Variants in VPS50 observed in about 807,000 individuals in gnomAD.
The protein encoded by VPS50 is syndetin.
Under a neutral mutation model 139.7 loss-of-function variants are expected in VPS50, and 70 were observed. The ratio of observed to expected loss-of-function variants is 0.50; its 90% CI spans 0.41 to 0.61. VPS50 has a LOEUF of 0.61. Among genes scored for constraint, VPS50 ranks in the 20% least tolerant of loss-of-function variants. The pLI, the probability that VPS50 is intolerant of heterozygous loss-of-function variation, is 0.00. For synonymous variants in VPS50, 365 were observed against 376.7 expected (o/e 0.97, Z 0.36); for missense variants, 921 against 1,133.7 (o/e 0.81, Z 2.69).
chr7:93,329,318 A>G (rs1797869662), intron 21 of VPS50, among the ~76,000 whole-genome samples: 1 of 152,188 alleles, frequency 6.6e-6, no homozygotes. Context: ...AAACAACAAA[A>G]AATTTACTCA....
At chr7:93,339,014 A>G (rs1273358576) in intron 22 of VPS50, among the ~76,000 whole-genome samples, 1 of 152,178 alleles carries the variant, frequency 6.6e-6, no homozygotes, top group Non-Finnish European at 1.5e-5. Context: ...GAAGAAGGGG[A>G]GTCATGAATG....
chr7:93,331,815 CA>C (rs1797949803), intron 21 of VPS50, among the ~76,000 whole-genome samples: 1 of 152,056 alleles, frequency 6.6e-6, no homozygotes, highest in Non-Finnish European at 1.5e-5. Flanking sequence ...GAAAATTTTG[CA>C]AACCATATTG....
rs904949755 is a variant in VPS50 at position 93,239,223 on chromosome 7, A to G, written c.34-643A>G. Among the ~76,000 whole-genome samples, 18 of 152,292 alleles carry G rather than the reference A, an allele frequency of 1.2e-4. No homozygotes were observed. The East Asian group carries it at 3.3e-3, about 28-fold the overall frequency. On this transcript the variant is annotated intron_variant, in intron 1 of 27. Transcript: ENST00000305866. Reference sequence around the variant, plus strand: ...TTTTTAAAAAGAGGATTTTAAAGAAAATGTAAATTGCTGATTTCTTTCTAT... The same window carrying G: ...TTTTTAAAAAGAGGATTTTAAAGAAGATGTAAATTGCTGATTTCTTTCTAT...
At chr7:93,310,466 G>A (rs73712828) in intron 19 of VPS50, among the ~76,000 whole-genome samples, 1 of 148,002 alleles carries the variant, frequency 6.8e-6, no homozygotes, top group Non-Finnish European at 1.5e-5. Context: ...AAATTTAGGG[G>A]TTTTTTTTTT....
chr7:93,308,695 T>C, intron 18 of VPS50, 129 bp from the exon 19 acceptor site: 1 of 447,080 alleles, frequency 2.2e-6, no homozygotes, highest in Non-Finnish European at 4.1e-6. Flanking sequence ...GGTGACAACA[T>C]TAAAGCTAAA....
rs550173011 is a variant in VPS50, at chr7:93,288,346, T to C, written c.943-3357T>C. 3.3e-5 allele frequency among the ~76,000 whole-genome samples: 5 copies of C among 152,280 alleles called. No individual in the cohort carries two copies. The South Asian group carries it at 1.0e-3, about 32-fold the overall frequency. On this transcript the variant is annotated intron_variant, in intron 12 of 27. Transcript: ENST00000305866. Reference sequence around the variant, plus strand: ...TTTTTCACAGCTGCAAAGTACTCTTTTGTATGTATGAATAATGTTCTACCA... The same window carrying C: ...TTTTTCACAGCTGCAAAGTACTCTTCTGTATGTATGAATAATGTTCTACCA...
intron 12 of VPS50, 95 bp from the exon 13 acceptor site, chr7:93,291,608 C>T: frequency 1.5e-6 from 1 of 679,222 alleles, no homozygotes; most frequent in Non-Finnish European, 2.2e-6. Flanking sequence ...TTGGTTATTT[C>T]TAATTTTTGA....
intron 6 of VPS50, 40 bp downstream of exon 6, chr7:93,257,504 A>C: frequency 2.8e-6 from 3 of 1,063,630 alleles, no homozygotes; most frequent in Non-Finnish European, 4.3e-6. Context: ...AAGCTGAACA[A>C]TATTTCAAGA....
At chr7:93,289,027 G>C (rs1391526497) in intron 12 of VPS50, among the ~76,000 whole-genome samples, 1 of 152,038 alleles carries the variant, frequency 6.6e-6, no homozygotes, top group African/African-American at 2.4e-5. Flanking sequence ...GGCATTGTAA[G>C]GTGGGGCTGA....
intron 22 of VPS50, among the ~76,000 whole-genome samples, chr7:93,341,223 T>C (rs1798200956): frequency 6.6e-6 from 1 of 152,182 alleles, no homozygotes; most frequent in Non-Finnish European, 1.5e-5. Context: ...AGTTGGATGA[T>C]ATTATGTAGG....
At position 93,294,630 on chromosome 7, in the gene VPS50, A is replaced by T. The variant is rs1343746532; in HGVS notation, c.1161A>T (p.Ile387=). The part of the protein sequence containing the change: ...KKKLEHGLTR[I]WQDVQLKVKT... The stretch of plus-strand genomic sequence containing the variant: ...AATTAGAACATGGACTTACACGAAT[A>T]TGGCAGGTTTGGTTTTTTTAAAATT... The change falls in exon 14 of 28, where the codon ATA becomes ATT. Residue 387 remains isoleucine, a synonymous_variant. Coordinates refer to ENST00000305866, the MANE Select transcript of VPS50 (RefSeq NM_017667.4). The T allele has an allele frequency of 3.2e-6, 5 of 1,578,454 alleles. No individual in the cohort carries two copies. The highest frequency in any genetic ancestry group is 4.3e-6 in the Non-Finnish European group (5 of 1,168,112).
Position 93,334,019 on chromosome 7 carries a change from A to G in VPS50, c.1978-98A>G. On this transcript the variant is annotated intron_variant, in intron 21 of 27. Transcript: ENST00000305866. ...TTTGGAAACCCTCTGAAGGCTAAGTATCTGAGTGAAAACTCATCAAATATC... is the reference window on the plus strand; with the variant it reads ...TTTGGAAACCCTCTGAAGGCTAAGTGTCTGAGTGAAAACTCATCAAATATC... The G allele has an allele frequency of 4.0e-6, 3 of 755,200 alleles. No homozygotes were observed. In the South Asian group the frequency reaches 4.5e-5, roughly 11 times the overall value. 46.8% of individuals were successfully genotyped at this position (755,200 alleles called of 1,614,324 possible). A position where few individuals can be genotyped will look rare whatever the true frequency, so the allele number is the denominator to read the frequency against.
At chr7:93,297,538 A>C (rs1486088765) in intron 16 of VPS50, among the ~76,000 whole-genome samples, 1 of 152,138 alleles carries the variant, frequency 6.6e-6, no homozygotes, top group Non-Finnish European at 1.5e-5. Context: ...GAATTTGGCC[A>C]CTGTTCCATA....
At chr7:93,290,054 G>C (rs966646081) in intron 12 of VPS50, among the ~76,000 whole-genome samples, 1 of 151,770 alleles carries the variant, frequency 6.6e-6, no homozygotes, top group Non-Finnish European at 1.5e-5. Context: ...ATAAATGAGG[G>C]TTTCTCATTC....
At chr7:93,300,009 G>C (rs899900103) in intron 16 of VPS50, among the ~76,000 whole-genome samples, 8 of 152,016 alleles carry the variant, frequency 5.3e-5, no homozygotes, top group Non-Finnish European at 7.4e-5. Flanking sequence ...TGTTTTCAAG[G>C]ATCTTAAAGT....
chr7:93,335,305 C>T (rs1798041786), intron 22 of VPS50, among the ~76,000 whole-genome samples: 1 of 152,142 alleles, frequency 6.6e-6, no homozygotes, highest in Non-Finnish European at 1.5e-5. Context: ...CAGGTGAGCG[C>T]TGTTTGGGCA....
intron 17 of VPS50, among the ~76,000 whole-genome samples, chr7:93,305,111 T>G (rs1250927484): frequency 6.6e-6 from 1 of 151,950 alleles, no homozygotes; most frequent in African/African-American, 2.4e-5. Flanking sequence ...AATCAAGATT[T>G]TTGTAATTCA....
chr7:93,273,670 C>T (rs1796075321), intron 11 of VPS50, among the ~76,000 whole-genome samples: 1 of 152,094 alleles, frequency 6.6e-6, no homozygotes, highest in South Asian at 2.1e-4. Context: ...ACGCACATTG[C>T]TTCAGGTGTC....
chr7:93,287,260 C>T (rs1796517235), intron 12 of VPS50, among the ~76,000 whole-genome samples: 1 of 151,958 alleles, frequency 6.6e-6, no homozygotes, highest in Non-Finnish European at 1.5e-5. Flanking sequence ...GGATTATTTA[C>T]ACTTGAATCA....
Sources: allele counts gnomAD v4.1 joint callset (sites outside exome capture counted in the v4.1 genomes callset), GRCh38; gene constraint gnomAD v4.1.1; transcripts MANE v1.5; gene names NCBI Gene and HGNC (gene_info 2026-07-23, HGNC 2026-07-21).